ENKUR: variants seen among roughly 807,000 people sequenced by gnomAD.
The protein encoded by ENKUR is enkurin.
Under a neutral mutation model 27.6 loss-of-function variants are expected in ENKUR, and 19 were observed. The ratio of observed to expected loss-of-function variants is 0.69; its 90% CI spans 0.48 to 1.01. The LOEUF is 1.01. Ranked by LOEUF, ENKUR falls within the 50% of genes least tolerant of loss-of-function variation. The pLI is 0.00. For missense variants in ENKUR, 312 were observed against 310.5 expected (o/e 1.00, Z -0.04); for synonymous variants, 117 against 96.9 (o/e 1.21, Z -1.22).
intron 2 of ENKUR, among the ~76,000 whole-genome samples, chr10:25,038,031 G>T (rs1464365455): frequency 1.3e-5 from 2 of 152,092 alleles, no homozygotes; most frequent in Non-Finnish European, 1.5e-5. Context: ...AGCTTATTGG[G>T]CAGCCTTAAT....
intron 2 of ENKUR, among the ~76,000 whole-genome samples, chr10:25,039,679 G>A (rs757649923): frequency 1.4e-4 from 21 of 152,258 alleles, no homozygotes; most frequent in Non-Finnish European, 2.5e-4. Context: ...TCAACTGAAA[G>A]TATTATTTCA....
chr10:25,010,608 C>T (rs1028634785), intron 1 of ENKUR, among the ~76,000 whole-genome samples: 8 of 150,542 alleles, frequency 5.3e-5, no homozygotes, highest in African/African-American at 1.9e-4. Flanking sequence ...CCCCACCCCA[C>T]AACAGTCCCC....
At chr10:25,061,487 T>C in intron 1 of ENKUR, 1 of 240,972 alleles carries the variant, frequency 4.1e-6, no homozygotes, top group Non-Finnish European at 7.9e-6. Context: ...GCCACCACCA[T>C]TTCTATTTTC....
At chr10:25,022,279 T>G (rs1850736646) in intron 2 of ENKUR, among the ~76,000 whole-genome samples, 1 of 152,128 alleles carries the variant, frequency 6.6e-6, no homozygotes, top group African/African-American at 2.4e-5. Flanking sequence ...CCAGAATAAT[T>G]GTTGTCTCTC....
chr10:25,027,174 G>A (rs1345053842), intron 2 of ENKUR, among the ~76,000 whole-genome samples: 2 of 151,166 alleles, frequency 1.3e-5, no homozygotes, highest in South Asian at 2.1e-4. Flanking sequence ...GACCAACATG[G>A]AGAAACCCTG....
chr10:25,033,874 C>A (rs1173658888), intron 2 of ENKUR, among the ~76,000 whole-genome samples: 2 of 148,344 alleles, frequency 1.3e-5, no homozygotes, highest in Non-Finnish European at 3.0e-5. Flanking sequence ...TATCAATCAT[C>A]TATTGTCTGT....
intron 2 of ENKUR, among the ~76,000 whole-genome samples, chr10:24,998,296 C>T (rs1254328072): frequency 2.0e-5 from 3 of 148,654 alleles, no homozygotes; most frequent in African/African-American, 7.5e-5. Flanking sequence ...TTCTTTTCTT[C>T]TCTTCTCTTC....
intron 2 of ENKUR, among the ~76,000 whole-genome samples, chr10:25,045,914 T>G (rs1321465409): frequency 6.6e-6 from 1 of 152,168 alleles, no homozygotes; most frequent in South Asian, 2.1e-4. Flanking sequence ...AAAGGATATA[T>G]AGAGAGATAT....
chr10:25,052,894 C>T (rs181792246), intron 2 of ENKUR, among the ~76,000 whole-genome samples: 3 of 152,070 alleles, frequency 2.0e-5, no homozygotes, highest in East Asian at 1.9e-4. Context: ...CTCAGCCTCC[C>T]GAGTAGCTAG....
intron 2 of ENKUR, among the ~76,000 whole-genome samples, chr10:25,050,490 G>A (rs972298489): frequency 5.9e-5 from 9 of 152,122 alleles, no homozygotes; most frequent in Non-Finnish European, 8.8e-5. Context: ...TTATAAAACC[G>A]TTAGATTTCG....
chr10:25,031,944 G>A (rs1284320577), intron 2 of ENKUR, among the ~76,000 whole-genome samples: 2 of 151,968 alleles, frequency 1.3e-5, no homozygotes, highest in Non-Finnish European at 2.9e-5. Context: ...AAAGTATTGG[G>A]ATTAAAGGCT....
chr10:25,039,069 C>T (rs1851035951), intron 2 of ENKUR, among the ~76,000 whole-genome samples: 1 of 152,026 alleles, frequency 6.6e-6, no homozygotes, highest in Non-Finnish European at 1.5e-5. Context: ...AATTATTTGC[C>T]CTGTTACTGT....
At chr10:25,036,259 G>A (rs1209213494) in intron 2 of ENKUR, among the ~76,000 whole-genome samples, 1 of 152,106 alleles carries the variant, frequency 6.6e-6, no homozygotes, top group Admixed American at 6.6e-5. Flanking sequence ...TAAGTCTCAC[G>A]AGATCTGATG....
intron 1 of ENKUR, among the ~76,000 whole-genome samples, chr10:25,014,818 C>T (rs902857524): frequency 6.6e-6 from 1 of 152,150 alleles, no homozygotes; most frequent in Non-Finnish European, 1.5e-5. Context: ...CTAATTTAAA[C>T]CAGATACTTA....
intron 1 of ENKUR, 42 bp from the exon 2 acceptor site, chr10:24,999,588 T>C: frequency 1.3e-6 from 2 of 1,502,452 alleles, no homozygotes; most frequent in Non-Finnish European, 9.1e-7. Context: ...ATACTTCTAG[T>C]AAAAATTACC....
At chr10:25,016,995 G>A (rs1295658295), upstream of ENKUR, among the ~76,000 whole-genome samples, 1 of 152,122 alleles carries the variant, frequency 6.6e-6, no homozygotes, top group Non-Finnish European at 1.5e-5. Context: ...CGGGGCCCGC[G>A]GCCTCCTCCG....
At chr10:25,045,759 A>G (rs889938653) in intron 2 of ENKUR, among the ~76,000 whole-genome samples, 1 of 152,228 alleles carries the variant, frequency 6.6e-6, no homozygotes, top group East Asian at 1.9e-4. Flanking sequence ...AAACAAGATT[A>G]TAAACTTGTT....
At chr10:25,057,648 T>C (rs2130497518) in intron 2 of ENKUR, among the ~76,000 whole-genome samples, 1 of 152,252 alleles carries the variant, frequency 6.6e-6, no homozygotes, top group South Asian at 2.1e-4. Context: ...TACCACTACC[T>C]CTGTGGGATA....
At chr10:25,024,418 C>T (rs1228164392) in intron 2 of ENKUR, 1 of 1,613,762 alleles carries the variant, frequency 6.2e-7, no homozygotes, top group Non-Finnish European at 8.5e-7. Flanking sequence ...GAATGATAAG[C>T]AAAGGATAGC....
Sources: allele counts gnomAD v4.1 joint callset (sites outside exome capture counted in the v4.1 genomes callset), GRCh38; gene constraint gnomAD v4.1.1; transcripts MANE v1.5; gene names NCBI Gene and HGNC (gene_info 2026-07-23, HGNC 2026-07-21).